The following PCDHA11 variants were observed in gnomAD, a reference collection of about 807,000 sequenced individuals.
The protein encoded by PCDHA11 is protocadherin alpha-11.
In PCDHA11, 61 loss-of-function variants were observed where a neutral mutation model predicts 70.3. The ratio of observed to expected loss-of-function variants is 0.87; its 90% CI spans 0.71 to 1.07. PCDHA11 has a LOEUF of 1.07. Ranked by LOEUF, PCDHA11 falls within the 50% of genes least tolerant of loss-of-function variation. The pLI, the probability that PCDHA11 is intolerant of heterozygous loss-of-function variation, is 0.00. For synonymous variants in PCDHA11, 633 were observed against 555.1 expected (o/e 1.14, Z -1.97); for missense variants, 1,324 against 1,237.5 (o/e 1.07, Z -1.05).
rs1361440512 is a variant in PCDHA11, at chr5:140,875,201, G to A, written c.2391+3707G>A. 5.0e-5 allele frequency: 30 copies of A among 595,474 alleles called. No homozygotes were observed. The East Asian group carries it at 1.1e-3, about 21-fold the overall frequency. 36.9% of individuals were successfully genotyped at this position (595,474 alleles called of 1,614,324 possible). A position where few individuals can be genotyped will look rare whatever the true frequency, so the allele number is the denominator to read the frequency against. On this transcript the variant is annotated intron_variant, in intron 1 of 3. Coordinates refer to ENST00000398640, the MANE Select transcript of PCDHA11 (RefSeq NM_018902.5). ...AGAATTAAGAGTGACCCAGGAAGTG[G>A]CTAAACCGAAAAGAACCTCAGGATC... is the stretch of plus-strand genomic sequence containing the variant.
rs1562642999 is a variant in PCDHA11, at chr5:140,870,360, C to T, written c.1257C>T (p.Ala419=). 1 of 1,614,166 alleles carries T rather than the reference C, an allele frequency of 6.2e-7. No individual in the cohort carries two copies. Among genetic ancestry groups the T allele is most frequent in the Non-Finnish European group, 8.5e-7 (1 of 1,180,020 alleles). Reference sequence around the variant, plus strand: ...CCCTGGACCGCGAGAACGTGTGGGCCTATGAACTGGTGGTGACTGCGCGGG... The same window carrying T: ...CCCTGGACCGCGAGAACGTGTGGGCTTATGAACTGGTGGTGACTGCGCGGG... ...DSALDRENVW[A]YELVVTARDG... Residue 419 remains alanine (A), a synonymous_variant, in exon 1 of 4, where the codon GCC becomes GCT. Coordinates refer to ENST00000398640, the MANE Select transcript of PCDHA11 (RefSeq NM_018902.5).
At chr5:140,939,973 A>G (rs782675791) in intron 1 of PCDHA11, among the ~76,000 whole-genome samples, 4 of 152,234 alleles carry the variant, frequency 2.6e-5, no homozygotes, top group Non-Finnish European at 4.4e-5. Flanking sequence ...TCCACGATGA[A>G]TAGTGAATTG....
intron 1 of PCDHA11, chr5:140,928,085 T>G: frequency 1.9e-6 from 3 of 1,614,236 alleles, no homozygotes; most frequent in Non-Finnish European, 8.5e-7. Flanking sequence ...TACAGCCTGC[T>G]GATTGATGGG....
At chr5:140,899,518 C>T (rs546972156) in intron 1 of PCDHA11, among the ~76,000 whole-genome samples, 145 of 152,230 alleles carry the variant, frequency 9.5e-4, no homozygotes, top group African/African-American at 2.6e-3. Context: ...TATTGCATCC[C>T]AGGGATGAAG....
At chr5:141,003,543 C>T (rs2098129407) in intron 3 of PCDHA11, among the ~76,000 whole-genome samples, 1 of 152,108 alleles carries the variant, frequency 6.6e-6, no homozygotes, top group Non-Finnish European at 1.5e-5. Context: ...GAACTCCTGG[C>T]TTCAAGTGAT....
rs995118768 is a variant in PCDHA11 at position 140,943,957 on chromosome 5, T to G, written c.2392-34992T>G. Among the ~76,000 whole-genome samples the G allele has an allele frequency of 2.6e-5, 4 of 152,224 alleles. No individual in the cohort carries two copies. The South Asian group carries it at 8.3e-4, about 32-fold the overall frequency. On this transcript the variant is annotated intron_variant, in intron 1 of 3. Coordinates refer to ENST00000398640, the MANE Select transcript of PCDHA11 (RefSeq NM_018902.5). ...TGTGGTTATAGGAGAAGCAGTGAAT[T>G]AAAGAGTTAAAGTAATTAAGAAAAC... is the stretch of plus-strand genomic sequence containing the variant.
chr5:140,909,837 A>G (rs1385622846), intron 1 of PCDHA11, among the ~76,000 whole-genome samples: 3 of 152,190 alleles, frequency 2.0e-5, no homozygotes, highest in Non-Finnish European at 4.4e-5. Context: ...CTGGAGGACC[A>G]CCAGGACGTT....
At chr5:140,974,098 T>C (rs1316262429) in intron 1 of PCDHA11, among the ~76,000 whole-genome samples, 1 of 152,262 alleles carries the variant, frequency 6.6e-6, no homozygotes, top group Non-Finnish European at 1.5e-5. Flanking sequence ...AATCAAAGGT[T>C]AAAAGTATTC....
Position 140,870,935 on chromosome 5 carries a change from A to C in PCDHA11, c.1832A>C (p.Gln611Pro). 1.2e-6 allele frequency: 2 copies of C among 1,613,778 alleles called. No homozygotes were observed. Among genetic ancestry groups the C allele is most frequent in the African/African-American group, 2.7e-5 (2 of 75,048 alleles). The part of the protein sequence containing the change: ...GYNAWLSYEL[Q>P]PAAGGSRIPF... ...AACGCGTGGCTTTCATATGAATTGC[A>C]GCCGGCGGCGGGCGGCTCGCGCATC... Residue 611 changes from glutamine to proline, a missense_variant, in exon 1 of 4, where the codon CAG becomes CCG. By Grantham distance (76) the Gln-to-Pro change is moderately conservative (BLOSUM62 -1). Coordinates refer to ENST00000398640, the MANE Select transcript of PCDHA11 (RefSeq NM_018902.5).
chr5:140,934,490 C>T (rs189772593), intron 1 of PCDHA11, among the ~76,000 whole-genome samples: 35 of 152,244 alleles, frequency 2.3e-4, no homozygotes, highest in Admixed American at 1.4e-3. Context: ...ATATTCACCT[C>T]ATAAACACCC....
At position 140,975,481 on chromosome 5, in the gene PCDHA11, T is replaced by C. The variant is rs566642912; in HGVS notation, c.2392-3468T>C. Among the ~76,000 whole-genome samples, 225 of 152,370 alleles carry C rather than the reference T, an allele frequency of 1.5e-3. 1 individual carries two copies. The highest frequency in any genetic ancestry group is 5.2e-3 in the African/African-American group (216 of 41,590). ...TCTTGGAATTCTGCCTATCAGTTTA[T>C]ATCAATGTTCATAAAATAGCACTAT... On this transcript the variant is annotated intron_variant, in intron 1 of 3. Transcript: ENST00000398640.
intron 1 of PCDHA11, among the ~76,000 whole-genome samples, chr5:140,923,307 G>A (rs541732390): frequency 9.2e-5 from 14 of 152,288 alleles, no homozygotes; most frequent in African/African-American, 3.1e-4. Flanking sequence ...GCGTGGGGGC[G>A]CTTGGCCTAG....
At chr5:140,927,236 T>A in intron 1 of PCDHA11, 3 of 1,614,120 alleles carry the variant, frequency 1.9e-6, no homozygotes, top group Non-Finnish European at 2.5e-6. Context: ...ATTCACGTCC[T>A]GGACACCAAT....
At chr5:140,938,897 G>T (rs72800999) in intron 1 of PCDHA11, among the ~76,000 whole-genome samples, 1 of 151,198 alleles carries the variant, frequency 6.6e-6, no homozygotes, top group East Asian at 1.9e-4. Context: ...ACACAGATGC[G>T]CACACACACA....
At position 141,009,998 on chromosome 5, in the gene PCDHA11, T is replaced by C. The variant is rs1046818514; in HGVS notation, c.*61T>C. 6 of 1,575,876 alleles carry C rather than the reference T, an allele frequency of 3.8e-6. No individual in the cohort carries two copies. The African/African-American group carries it at 5.5e-5, about 14-fold the overall frequency. ...TTGTAATAATGGCAAATCTCTCCCA[T>C]GTAGCAATTCCCTGCTCCTTTTTCC... is the stretch of plus-strand genomic sequence containing the variant. On this transcript the variant is annotated 3_prime_UTR_variant, in exon 4 of 4. Transcript: ENST00000398640.
intron 1 of PCDHA11, among the ~76,000 whole-genome samples, chr5:140,874,875 C>T (rs1198638735): frequency 2.6e-5 from 4 of 152,134 alleles, no homozygotes; most frequent in African/African-American, 9.7e-5. Flanking sequence ...TTGTTAAATA[C>T]AAATTCCTAA....
rs189065461 is a variant in PCDHA11, at chr5:140,869,908, C to A, written c.805C>A (p.Arg269=). ...TLVLKLNATD[R]DEGVNGEVTY... is the part of the protein sequence containing the mutation. ...TGTGCTCAAACTAAACGCCACAGACCGAGACGAAGGAGTCAATGGAGAGGT... is the reference window on the plus strand; with the variant it reads ...TGTGCTCAAACTAAACGCCACAGACAGAGACGAAGGAGTCAATGGAGAGGT... Residue 269 remains arginine (R), a synonymous_variant, in exon 1 of 4, where the codon CGA becomes AGA. Coordinates refer to ENST00000398640, the MANE Select transcript of PCDHA11 (RefSeq NM_018902.5). 6.2e-6 allele frequency: 10 copies of A among 1,610,646 alleles called. No homozygotes were observed. In the Admixed American group the frequency reaches 6.7e-5, roughly 11 times the overall value.
At chr5:140,949,597 C>T (rs1279469149) in intron 1 of PCDHA11, among the ~76,000 whole-genome samples, 1 of 151,600 alleles carries the variant, frequency 6.6e-6, no homozygotes, top group African/African-American at 2.4e-5. Flanking sequence ...TTAATGTGGC[C>T]ATTCTAGTCT....
chr5:140,931,544 A>G (rs1276156656), intron 1 of PCDHA11, among the ~76,000 whole-genome samples: 1 of 152,048 alleles, frequency 6.6e-6, no homozygotes, highest in Non-Finnish European at 1.5e-5. Context: ...TATACTGTTC[A>G]TATGTGCAGG....
Sources: allele counts gnomAD v4.1 joint callset (sites outside exome capture counted in the v4.1 genomes callset), GRCh38; gene constraint gnomAD v4.1.1; transcripts MANE v1.5; gene names NCBI Gene and HGNC (gene_info 2026-07-23, HGNC 2026-07-21).